TSPAN32: variants seen among roughly 807,000 people sequenced by gnomAD.
TSPAN32 encodes the protein tetraspanin-32.
In TSPAN32, 47 loss-of-function variants were observed where a neutral mutation model predicts 42.7. The ratio of observed to expected loss-of-function variants is 1.10; its 90% CI spans 0.87 to 1.40. The LOEUF is 1.40. TSPAN32 is among the 40% of genes most tolerant of loss of function. The pLI, the probability that TSPAN32 is intolerant of heterozygous loss-of-function variation, is 0.00. For missense variants in TSPAN32, 469 were observed against 424.1 expected, an observed-to-expected ratio of 1.11 and a Z score of -0.93; for synonymous variants, 175 against 175.9, an observed-to-expected ratio of 0.99 and a Z score of 0.04.
chr11:2,312,962 G>T (rs1191434350), intron 4 of TSPAN32, among the ~76,000 whole-genome samples: 2 of 152,196 alleles, frequency 1.3e-5, no homozygotes, highest in Non-Finnish European at 1.5e-5. Flanking sequence ...TGTCTTTGAA[G>T]GAGTAACTTG....
intron 6 of TSPAN32, chr11:2,315,650 G>C (rs1386549190): frequency 4.5e-5 from 53 of 1,188,380 alleles, no homozygotes; most frequent in Non-Finnish European, 5.6e-5. Context: ...CCCTGCGGAG[G>C]CCTCCACAGG....
chr11:2,306,024 G>GCAGGTGCCTC (rs1310836305), intron 3 of TSPAN32, among the ~76,000 whole-genome samples: 1 of 148,606 alleles, frequency 6.7e-6, no homozygotes, highest in Non-Finnish European at 1.5e-5. Context: ...GTGTGCATGT[G>GCAGGTGCCTC]TGTGTGCGTG....
chr11:2,309,568 A>G, intron 4 of TSPAN32: 1 of 339,432 alleles, frequency 2.9e-6, no homozygotes. Flanking sequence ...AGGGTCATGG[A>G]GTGGGGCAGG....
rs377055075 is a variant in TSPAN32, at chr11:2,316,663, C to T, written c.715C>T (p.Pro239Ser). 21 of 1,525,614 alleles carry T rather than the reference C, an allele frequency of 1.4e-5. No individual in the cohort carries two copies. The highest frequency in any genetic ancestry group is 1.7e-5 in the Non-Finnish European group (19 of 1,135,420). The allele number at this position is 1,525,614 out of a possible 1,614,324, so 94.5% of individuals were successfully genotyped here. ...CCGCAAGGGCAAATACACCCTGACC[C>T]CACGGTAGGGCCCCCTGCCTGCCCC... ...LDRKGKYTLT[P>S]RACGRQPQEP... Residue 239 changes from proline (P) to serine (S), a missense_variant, in exon 8 of 10, where the codon CCA becomes TCA. Coordinates refer to ENST00000182290, the MANE Select transcript of TSPAN32 (RefSeq NM_139022.3).
chr11:2,302,182 A>G lies in TSPAN32; in HGVS notation c.33A>G (p.Lys11=). 2.1e-6 allele frequency: 3 copies of G among 1,398,534 alleles called. No homozygotes were observed. Among genetic ancestry groups the G allele is most frequent in the Non-Finnish European group, 2.8e-6 (3 of 1,069,810 alleles). 86.6% of individuals were successfully genotyped at this position (1,398,534 alleles called of 1,614,324 possible). Residue 11 remains lysine (K), a synonymous_variant, in exon 1 of 10, where the codon AAA becomes AAG. Transcript: ENST00000182290. MGPWSRVRVA[K]CQMLVTCFFI... The stretch of plus-strand genomic sequence containing the variant: ...CTTGGAGTCGAGTCAGGGTTGCCAA[A>G]TGCCAGATGCTGGTCACCTGCTTCT...
At chr11:2,316,441 G>A (rs749809817) in intron 7 of TSPAN32, 129 bp downstream of exon 7, 2 of 1,551,990 alleles carry the variant, frequency 1.3e-6, no homozygotes, top group Admixed American at 3.8e-5. Context: ...GCCAACCTCA[G>A]GGAGCTGCTC....
chr11:2,304,002 TC>T lies in TSPAN32; in HGVS notation c.182-102del. The T allele has an allele frequency of 1.2e-6, 1 of 805,302 alleles. No individual in the cohort carries two copies. 49.9% of individuals were successfully genotyped at this position (805,302 alleles called of 1,614,324 possible). On this transcript the variant is annotated intron_variant, in intron 2 of 9. Transcript: ENST00000182290. This position sits in a 1 kb window ranked among gnomAD's most constrained non-coding sequence, Gnocchi z 4.8. Reference sequence around the variant, plus strand: ...AGGCCCATTCAGAGCCCCCCAGGAGTCCCTCACGGCCCCTGACTCCCAAGTT... The same window carrying T: ...AGGCCCATTCAGAGCCCCCCAGGAGTCCTCACGGCCCCTGACTCCCAAGTT...
At position 2,317,998 on chromosome 11, in the gene TSPAN32, G is replaced by A; in HGVS notation, c.*74G>A. 1 of 723,684 alleles carries A rather than the reference G, an allele frequency of 1.4e-6. No homozygotes were observed. Among genetic ancestry groups the A allele is most frequent in the East Asian group, 2.5e-5 (1 of 39,574 alleles). The allele number at this position is 723,684 out of a possible 1,614,324, so 44.8% of individuals were successfully genotyped here. A position where few individuals can be genotyped will look rare whatever the true frequency, so the allele number is the denominator to read the frequency against. The stretch of plus-strand genomic sequence containing the variant: ...ATCTGCCTCCAGGACCATTCAGGCT[G>A]TTGACAAGTCAACTCCTCATGGCTG... On this transcript the variant is annotated 3_prime_UTR_variant, in exon 10 of 10. Coordinates refer to ENST00000182290, the MANE Select transcript of TSPAN32 (RefSeq NM_139022.3). This position sits in a 1 kb window ranked among gnomAD's most constrained non-coding sequence, Gnocchi z 6.2.
chr11:2,315,638 G>T, intron 6 of TSPAN32: 2 of 1,186,580 alleles, frequency 1.7e-6, no homozygotes, highest in Non-Finnish European at 2.1e-6. Context: ...TGAGCCCTGA[G>T]ACCCTGCGGA....
In TSPAN32 at chr11:2,304,499, C is replaced by T. The variant is rs138739227; in HGVS notation, c.279+295C>T. ...CGCCCAACAAGGGTTCCTATAGGAGCTCTGAAAGAGAGAGACGGCCCTCCT... is the reference window on the plus strand; with the variant it reads ...CGCCCAACAAGGGTTCCTATAGGAGTTCTGAAAGAGAGAGACGGCCCTCCT... On this transcript the variant is annotated intron_variant, in intron 3 of 9. Coordinates refer to ENST00000182290, the MANE Select transcript of TSPAN32 (RefSeq NM_139022.3). This position sits in a 1 kb window ranked among gnomAD's most constrained non-coding sequence, Gnocchi z 4.8. Among the ~76,000 whole-genome samples the T allele has an allele frequency of 5.3e-5, 8 of 151,552 alleles. No homozygotes were observed. The highest frequency in any genetic ancestry group is 1.2e-4 in the Non-Finnish European group (8 of 67,872).
At position 2,317,701 on chromosome 11, in the gene TSPAN32, G is replaced by C. The variant is rs1346656076; in HGVS notation, c.902-162G>C. 1.0e-6 allele frequency: 1 copy of C among 985,338 alleles called. No individual in the cohort carries two copies. Among genetic ancestry groups the C allele is most frequent in the African/African-American group, 1.7e-5 (1 of 57,234 alleles). The allele number at this position is 985,338 out of a possible 1,614,324, so 61.0% of individuals were successfully genotyped here. On this transcript the variant is annotated intron_variant, in intron 9 of 9. Coordinates refer to ENST00000182290, the MANE Select transcript of TSPAN32 (RefSeq NM_139022.3). This position sits in a 1 kb window ranked among gnomAD's most constrained non-coding sequence, Gnocchi z 6.2. ...GGAACGGGCTGGGAGCAAGCACAAA[G>C]GAAACCACACTGGAGGCAGCAGCCC...
chr11:2,304,149 G>A lies in TSPAN32; in HGVS notation c.224G>A (p.Gly75Glu). The change falls in exon 3 of 10, where the codon GGA becomes GAA. Residue 75 changes from glycine (G) to glutamate (E), a missense_variant. Gly to Glu is a moderately conservative substitution (Grantham distance 98). Coordinates refer to ENST00000182290, the MANE Select transcript of TSPAN32 (RefSeq NM_139022.3). The surrounding 1 kb of genome is among the most constrained non-coding windows in gnomAD (Gnocchi z 4.8). ...AGCCTGGTGGGCCTCCTGACTCTGG[G>A]AGCCGTGCTGAGCGCTGCAGCCACC... ...GLSLVGLLTLGAVLSAAATVR... is the reference protein window; with the variant it reads ...GLSLVGLLTLEAVLSAAATVR... 1 of 1,589,140 alleles carries A rather than the reference G, an allele frequency of 6.3e-7. No homozygotes were observed. Among genetic ancestry groups the A allele is most frequent in the Non-Finnish European group, 8.6e-7 (1 of 1,167,984 alleles).
chr11:2,307,151 T>C (rs982826881), intron 3 of TSPAN32, among the ~76,000 whole-genome samples: 5 of 152,078 alleles, frequency 3.3e-5, no homozygotes, highest in Non-Finnish European at 4.4e-5. Context: ...GCCAGCGCCC[T>C]GTCCCTGCAG....
rs1848396201 is a variant in TSPAN32, at chr11:2,310,410, C to T, written c.354+1600C>T. Among the ~76,000 whole-genome samples, 3 of 152,194 alleles carry T rather than the reference C, an allele frequency of 2.0e-5. No individual in the cohort carries two copies. The South Asian group carries it at 6.2e-4, about 31-fold the overall frequency. ...TCCCAGCCCCAGGCAGCATCCCCCA[C>T]ACACATGGTCCTTGTCTGGCCCGTG... On this transcript the variant is annotated intron_variant, in intron 4 of 9. Transcript: ENST00000182290.
chr11:2,313,807 C>T lies in TSPAN32; in HGVS notation c.456+52C>T, dbSNP rs937061231. 8 of 1,421,652 alleles carry T rather than the reference C, an allele frequency of 5.6e-6. No individual in the cohort carries two copies. The highest frequency in any genetic ancestry group is 6.7e-6 in the Non-Finnish European group (7 of 1,040,654). The allele number at this position is 1,421,652 out of a possible 1,614,324, so 88.1% of individuals were successfully genotyped here. The stretch of plus-strand genomic sequence containing the variant: ...GGGCGGTCAGCTTCTGCTTGGACTG[C>T]AGTTCAGAGAACAGGCGCAGGGTGG... On this transcript the variant is annotated intron_variant, in intron 5 of 9. Coordinates refer to ENST00000182290, the MANE Select transcript of TSPAN32 (RefSeq NM_139022.3). This position sits in a 1 kb window ranked among gnomAD's most constrained non-coding sequence, Gnocchi z 9.1.
intron 4 of TSPAN32, among the ~76,000 whole-genome samples, chr11:2,311,685 G>T (rs753882803): frequency 3.3e-5 from 5 of 152,220 alleles, no homozygotes; most frequent in Non-Finnish European, 7.3e-5. Flanking sequence ...ACAGGATGGG[G>T]TCGCCAAGCC....
At chr11:2,309,447 C>A in intron 4 of TSPAN32, 2 of 442,612 alleles carry the variant, frequency 4.5e-6, no homozygotes, top group Non-Finnish European at 4.7e-6. Flanking sequence ...GCCTCCCTGG[C>A]CCAGCAGAGA....
intron 3 of TSPAN32, among the ~76,000 whole-genome samples, chr11:2,305,374 C>CCCG (rs1390947666): frequency 6.7e-6 from 1 of 149,386 alleles, no homozygotes; most frequent in Non-Finnish European, 1.5e-5. Flanking sequence ...TAGTCTGCCC[C>CCCG]CCCCCCCAGA....
chr11:2,302,267 G>A, intron 1 of TSPAN32, 52 bp downstream of exon 1: 1 of 1,347,814 alleles, frequency 7.4e-7, no homozygotes, highest in Non-Finnish European at 9.6e-7. Context: ...GAGCAGGGGT[G>A]AGGGGTGGCA....
Sources: gnomAD v4.1 joint callset for allele counts (sites outside exome capture counted in the v4.1 genomes callset) on GRCh38, gnomAD v4.1.1 for gene constraint, Gnocchi (gnomAD v3.1) non-coding constraint, MANE v1.5 for transcripts, NCBI Gene and HGNC (gene_info 2026-07-23, HGNC 2026-07-21) for gene names.